The following TRPM3 variants were observed in gnomAD, a reference collection of about 807,000 sequenced individuals.
The protein encoded by TRPM3 is long transient receptor potential channel 3.
A neutral mutation model predicts 181.2 loss-of-function variants in TRPM3; 77 were observed. The ratio of observed to expected loss-of-function variants is 0.42; its 90% confidence interval spans 0.35 to 0.51. The LOEUF (loss-of-function observed/expected upper bound fraction) is 0.51, where lower values mean the gene tolerates loss of function less well. Among genes scored for constraint, TRPM3 ranks in the 20% least tolerant of loss-of-function variants. TRPM3 has a pLI of 0.01. For missense variants in TRPM3, 1,759 were observed against 2,196.7 expected (o/e 0.80, Z 3.98); for synonymous variants, 745 against 796.4 (o/e 0.94, Z 1.09).
At chr9:70,786,680 C>A (rs144106724) in intron 6 of TRPM3, among the ~76,000 whole-genome samples, 1 of 152,140 alleles carries the variant, frequency 6.6e-6, no homozygotes, top group Admixed American at 6.5e-5. Context: ...CAAAGTATTA[C>A]GTTGGTGCAA....
intron 1 of TRPM3, among the ~76,000 whole-genome samples, chr9:71,418,482 C>T (rs2093671653): frequency 6.6e-6 from 1 of 151,784 alleles, no homozygotes; most frequent in Non-Finnish European, 1.5e-5. Context: ...CTCTAATTGC[C>T]TATGCTCTGG....
At chr9:70,767,046 T>C (rs2079279495) in intron 7 of TRPM3, among the ~76,000 whole-genome samples, 1 of 152,238 alleles carries the variant, frequency 6.6e-6, no homozygotes, top group African/African-American at 2.4e-5. Flanking sequence ...CCTACGATGC[T>C]TTTTAGGAAA....
intron 1 of TRPM3, among the ~76,000 whole-genome samples, chr9:71,430,989 T>A (rs2093945902): frequency 6.6e-6 from 1 of 152,220 alleles, no homozygotes; most frequent in Non-Finnish European, 1.5e-5. Context: ...CTGAGTACAG[T>A]GTCTTGATTG....
intron 22 of TRPM3, among the ~76,000 whole-genome samples, chr9:70,571,435 G>A (rs2132169940): frequency 6.6e-6 from 1 of 152,224 alleles, no homozygotes; most frequent in Non-Finnish European, 1.5e-5. Context: ...CCTGTACCTT[G>A]GAGGCTCAGA....
chr9:71,390,095 G>A (rs1220589686), intron 1 of TRPM3, among the ~76,000 whole-genome samples: 5 of 152,148 alleles, frequency 3.3e-5, no homozygotes, highest in Middle Eastern at 3.4e-3. Context: ...GAGTTAAATA[G>A]ATATCAGTAG....
At chr9:71,220,424 T>C (rs571596927) in intron 1 of TRPM3, among the ~76,000 whole-genome samples, 85 of 151,646 alleles carry the variant, frequency 5.6e-4, no homozygotes, top group Non-Finnish European at 1.0e-3. Flanking sequence ...ATAGGTGAGT[T>C]AGGGAAGAAA....
chr9:70,766,145 A>G (rs1223906770), intron 7 of TRPM3, among the ~76,000 whole-genome samples: 8 of 152,124 alleles, frequency 5.3e-5, no homozygotes, highest in Non-Finnish European at 5.9e-5. Flanking sequence ...TGCTGTACTT[A>G]TGATCTGGAG....
intron 1 of TRPM3, among the ~76,000 whole-genome samples, chr9:71,269,643 G>A (rs550689067): frequency 6.6e-6 from 1 of 152,254 alleles, no homozygotes; most frequent in South Asian, 2.1e-4. Flanking sequence ...CATGAAAAAG[G>A]AACTAGAAAA....
intron 1 of TRPM3, among the ~76,000 whole-genome samples, chr9:70,950,493 T>A (rs2096986519): frequency 6.6e-6 from 1 of 152,284 alleles, no homozygotes; most frequent in African/African-American, 2.4e-5. Flanking sequence ...TAGGAACAAA[T>A]AAATTGAGAC....
intron 1 of TRPM3, among the ~76,000 whole-genome samples, chr9:71,157,341 A>C (rs1222886317): frequency 1.3e-5 from 2 of 152,164 alleles, no homozygotes; most frequent in East Asian, 3.9e-4. Context: ...CTATAATGCT[A>C]TTACAACACA....
chr9:70,785,280 C>T (rs1451780034), intron 6 of TRPM3, among the ~76,000 whole-genome samples: 1 of 152,166 alleles, frequency 6.6e-6, no homozygotes, highest in African/African-American at 2.4e-5. Context: ...CATCGTTCAA[C>T]CTAACCTTAA....
At chr9:70,701,243 T>C (rs866227154) in intron 8 of TRPM3, among the ~76,000 whole-genome samples, 1 of 152,342 alleles carries the variant, frequency 6.6e-6, no homozygotes, top group East Asian at 1.9e-4. Flanking sequence ...TTATCTTTTG[T>C]TGTGACTTAG....
At chr9:71,112,831 G>T (rs1270286391) in intron 1 of TRPM3, among the ~76,000 whole-genome samples, 2 of 152,196 alleles carry the variant, frequency 1.3e-5, no homozygotes, top group Admixed American at 6.5e-5. Context: ...AGGATTCAGA[G>T]AAATTTTTCT....
intron 1 of TRPM3, among the ~76,000 whole-genome samples, chr9:71,370,760 A>C (rs2092483246): frequency 6.6e-6 from 1 of 152,234 alleles, no homozygotes; most frequent in Non-Finnish European, 1.5e-5. Flanking sequence ...ACATATTCCC[A>C]ATGAAGACAA....
In TRPM3 at chr9:71,121,270, C is replaced by T; in HGVS notation, c.85G>A (p.Val29Ile). The change falls in exon 1 of 26, where the codon GTC (valine) becomes ATC (isoleucine). Residue 29 changes from valine (V) to isoleucine (I), a missense_variant. Val to Ile is a conservative substitution (Grantham distance 29). Coordinates refer to ENST00000677713, the MANE Select transcript of TRPM3 (RefSeq NM_001366145.2). ...FLFSWWNLEG[V>I]MNQADAPRPL... is the part of the protein sequence containing the mutation. ...CGAGGAGCATCAGCCTGATTCATGACCCCTTCCAAATTCCACCAGGAAAAC... is the reference window on the plus strand; with the variant it reads ...CGAGGAGCATCAGCCTGATTCATGATCCCTTCCAAATTCCACCAGGAAAAC... 6.2e-7 allele frequency: 1 copy of T among 1,614,142 alleles called. No homozygotes were observed. The highest frequency in any genetic ancestry group is 8.5e-7 in the Non-Finnish European group (1 of 1,180,004).
At chr9:70,788,486 CCTTCCA>C (rs1022059554) in intron 6 of TRPM3, among the ~76,000 whole-genome samples, 1 of 151,954 alleles carries the variant, frequency 6.6e-6, no homozygotes, top group African/African-American at 2.4e-5. Flanking sequence ...ATTGGCTAAA[CCTTCCA>C]CAGTGAAACA....
chr9:71,082,388 A>G (rs1048646710), intron 1 of TRPM3, among the ~76,000 whole-genome samples: 17 of 152,160 alleles, frequency 1.1e-4, no homozygotes, highest in Admixed American at 1.3e-4. Flanking sequence ...GCAAGACTGT[A>G]TCATTTTACT....
intron 9 of TRPM3, among the ~76,000 whole-genome samples, chr9:70,656,826 A>G (rs528222856): frequency 1.5e-4 from 23 of 152,144 alleles, no homozygotes; most frequent in Non-Finnish European, 2.6e-4. Context: ...AAAAAGGTGA[A>G]CAATTTTTGT....
intron 8 of TRPM3, among the ~76,000 whole-genome samples, chr9:70,686,484 C>G (rs941949365): frequency 2.6e-5 from 4 of 152,094 alleles, no homozygotes; most frequent in Non-Finnish European, 5.9e-5. Context: ...CTCTCAGGGC[C>G]CTTTCCTGTT....
Sources: allele counts gnomAD v4.1 joint callset (sites outside exome capture counted in the v4.1 genomes callset), GRCh38; gene constraint gnomAD v4.1.1; transcripts MANE v1.5; gene names NCBI Gene and HGNC (gene_info 2026-07-23, HGNC 2026-07-21).